ARFGEF1: variants seen among roughly 807,000 people sequenced by gnomAD.
ARFGEF1 encodes ARF guanine nucleotide exchange factor 1, also known as brefeldin A-inhibited guanine nucleotide-exchange protein 1.
In ARFGEF1, 42 loss-of-function variants were observed where a neutral mutation model predicts 231.0. The ratio of observed to expected loss-of-function variants is 0.18; its 90% CI spans 0.14 to 0.24. The LOEUF (loss-of-function observed/expected upper bound fraction) is 0.24, where lower values mean the gene tolerates loss of function less well. Among genes scored for constraint, ARFGEF1 ranks in the 10% least tolerant of loss-of-function variants. The pLI, the probability that ARFGEF1 is intolerant of heterozygous loss-of-function variation, is 1.00. For synonymous variants in ARFGEF1, 710 were observed against 732.3 expected, an observed-to-expected ratio of 0.97 and a Z score of 0.49; for missense variants, 1,345 against 2,192.0, an observed-to-expected ratio of 0.61 and a Z score of 7.72.
Position 67,299,214 on chromosome 8 carries a change from T to A in ARFGEF1, c.454A>T (p.Ile152Leu), listed in dbSNP as rs181099627. Residue 152 changes from isoleucine to leucine, a missense_variant, in exon 4 of 39, where the codon ATA (isoleucine) becomes TTA (leucine). Ile to Leu is a conservative substitution (Grantham distance 5). This residue lies in a region of ARFGEF1 where 398 missense variants were observed against 463.2 expected (regional missense o/e 0.86). Transcript: ENST00000262215. ...TTACTTTATATAATAATTACCTTTA[T>A]TATCTGCAGCTGAACTCCTTCATCT... ...QTDEGVQLQIIKALLTAVTSQ... is the reference protein window; with the variant it reads ...QTDEGVQLQILKALLTAVTSQ... 6 of 1,533,772 alleles carry A rather than the reference T, an allele frequency of 3.9e-6. No homozygotes were observed. In the Admixed American group the frequency reaches 1.4e-4, roughly 35 times the overall value.
intron 1 of ARFGEF1, among the ~76,000 whole-genome samples, chr8:67,309,168 C>T (rs190245345): frequency 1.3e-5 from 2 of 152,178 alleles, no homozygotes; most frequent in Non-Finnish European, 2.9e-5. Context: ...AAGTCAGGCA[C>T]AGAAAGACAC....
chr8:67,301,195 GT>G, intron 3 of ARFGEF1, 28 bp downstream of exon 3: 1 of 1,557,708 alleles, frequency 6.4e-7, no homozygotes, highest in East Asian at 2.3e-5. Context: ...AAAGTACACA[GT>G]TTTTAGAAAG....
Position 67,276,006 on chromosome 8 carries a change from TTCA to T in ARFGEF1, c.1304_1306del (p.Met435del). The T allele has an allele frequency of 6.2e-7, 1 of 1,613,468 alleles. No homozygotes were observed. Among genetic ancestry groups the T allele is most frequent in the Non-Finnish European group, 8.5e-7 (1 of 1,179,554 alleles). On this transcript the variant is annotated inframe_deletion, in exon 9 of 39. Transcript: ENST00000262215. ...ATCTGGTGGTCCATCTGACAGTGGTTTCATTGACAGTTTACACAATGACCTGAA... is the reference window on the plus strand; with the variant it reads ...ATCTGGTGGTCCATCTGACAGTGGTTTTGACAGTTTACACAATGACCTGAA...
At chr8:67,247,545 G>A (rs1840145265) in intron 19 of ARFGEF1, among the ~76,000 whole-genome samples, 1 of 149,952 alleles carries the variant, frequency 6.7e-6, no homozygotes, top group Admixed American at 6.7e-5. Flanking sequence ...CAAAGAAGTA[G>A]GTATAGAAGG....
intron 27 of ARFGEF1, 101 bp from the exon 28 acceptor site, chr8:67,226,284 T>C (rs571992331): frequency 1.8e-6 from 2 of 1,098,106 alleles, no homozygotes; most frequent in East Asian, 5.4e-5. Flanking sequence ...CTCTTAAAGG[T>C]TGTTACAGGT....
chr8:67,232,417 A>T (rs1164545880), intron 23 of ARFGEF1, among the ~76,000 whole-genome samples: 1 of 152,058 alleles, frequency 6.6e-6, no homozygotes, highest in African/African-American at 2.4e-5. Flanking sequence ...TAATATATAA[A>T]TTCTGAAGTC....
intron 2 of ARFGEF1, 73 bp downstream of exon 2, chr8:67,302,363 A>T (rs568239585): frequency 8.3e-7 from 1 of 1,199,548 alleles, no homozygotes; most frequent in South Asian, 1.7e-5. Flanking sequence ...TAAAATACAG[A>T]TGACTATATT....
rs372698513 is a variant in ARFGEF1, at chr8:67,223,323, C to T, written c.4208+1580G>A. 2.6e-5 allele frequency among the ~76,000 whole-genome samples: 4 copies of T among 152,264 alleles called. No homozygotes were observed. In the East Asian group the frequency reaches 5.8e-4, roughly 22 times the overall value. The stretch of plus-strand genomic sequence containing the variant: ...CTCCTGTGCTTAGGCAATCCCGCCT[C>T]AGCCTCATGAGCAGCAGGAACTAGA... On this transcript the variant is annotated intron_variant, in intron 29 of 38. Transcript: ENST00000262215.
chr8:67,343,093 A>AACC lies in ARFGEF1; in HGVS notation c.124+70_124+71insGGT. On this transcript the variant is annotated intron_variant, in intron 1 of 38. Coordinates refer to ENST00000262215, the MANE Select transcript of ARFGEF1 (RefSeq NM_006421.5). ...CCTCGGGCAAGCCCCGGGCGACCCC[A>AACC]CCCCCCCACAGGCGCCCCCCTCCCC... The AACC allele has an allele frequency of 2.2e-5, 4 of 184,672 alleles. No homozygotes were observed. In the South Asian group the frequency reaches 2.3e-4, roughly 11 times the overall value. 11.4% of individuals were successfully genotyped at this position (184,672 alleles called of 1,614,324 possible). A position where few individuals can be genotyped will look rare whatever the true frequency, so the allele number is the denominator to read the frequency against.
At chr8:67,301,098 T>G in intron 3 of ARFGEF1, 126 bp downstream of exon 3, 1 of 914,714 alleles carries the variant, frequency 1.1e-6, no homozygotes, top group Non-Finnish European at 1.6e-6. Context: ...AAAAATCACT[T>G]GGATTTTTTA....
rs140965416 is a variant in ARFGEF1, at chr8:67,328,760, A to G, written c.124+14404T>C. On this transcript the variant is annotated intron_variant, in intron 1 of 38. Coordinates refer to ENST00000262215, the MANE Select transcript of ARFGEF1 (RefSeq NM_006421.5). ...TTCAGCTTACCCTCTGATTATTTTTAAACTGTTTGAATTGAGTTAAAATGT... is the reference window on the plus strand; with the variant it reads ...TTCAGCTTACCCTCTGATTATTTTTGAACTGTTTGAATTGAGTTAAAATGT... 4.8e-3 allele frequency among the ~76,000 whole-genome samples: 735 copies of G among 152,324 alleles called. 4 individuals carry two copies. Among genetic ancestry groups the G allele is most frequent in the Non-Finnish European group, 7.7e-3 (523 of 68,026 alleles).
chr8:67,304,158 G>A (rs1453639995), intron 1 of ARFGEF1, among the ~76,000 whole-genome samples: 1 of 152,152 alleles, frequency 6.6e-6, no homozygotes, highest in Non-Finnish European at 1.5e-5. Flanking sequence ...CACTAACTGA[G>A]CATCTTTCAC....
At chr8:67,229,737 G>C (rs1426009592) in intron 23 of ARFGEF1, among the ~76,000 whole-genome samples, 1 of 151,942 alleles carries the variant, frequency 6.6e-6, no homozygotes, top group Non-Finnish European at 1.5e-5. Flanking sequence ...TCTCAAACTA[G>C]AGGTATTCTC....
At chr8:67,277,147 A>C (rs1260801126) in intron 8 of ARFGEF1, 135 bp downstream of exon 8, 3 of 892,210 alleles carry the variant, frequency 3.4e-6, no homozygotes, top group Non-Finnish European at 5.0e-6. Flanking sequence ...AAAAAACCCC[A>C]AGTTTCTTAT....
At chr8:67,217,317 A>C (rs930346839) in intron 32 of ARFGEF1, among the ~76,000 whole-genome samples, 1 of 151,946 alleles carries the variant, frequency 6.6e-6, no homozygotes. Flanking sequence ...AAAAAAAAAA[A>C]AAAACCTACC....
At chr8:67,208,910 C>T (rs1838620200) in intron 34 of ARFGEF1, among the ~76,000 whole-genome samples, 2 of 152,136 alleles carry the variant, frequency 1.3e-5, no homozygotes, top group Admixed American at 6.5e-5. Context: ...AAACTTCTCA[C>T]CCACTAGAAT....
chr8:67,316,675 G>C (rs1480936126), intron 1 of ARFGEF1, among the ~76,000 whole-genome samples: 1 of 152,028 alleles, frequency 6.6e-6, no homozygotes, highest in Non-Finnish European at 1.5e-5. Flanking sequence ...GCTCAGGCTG[G>C]TCTTGAACTC....
intron 5 of ARFGEF1, among the ~76,000 whole-genome samples, chr8:67,182,965 G>A (rs752641874): frequency 6.6e-6 from 1 of 152,170 alleles, no homozygotes; most frequent in Non-Finnish European, 1.5e-5. Context: ...TTGATACATA[G>A]GAGCTTTTAA....
At chr8:67,331,737 A>C (rs1171491213) in intron 1 of ARFGEF1, among the ~76,000 whole-genome samples, 1 of 152,180 alleles carries the variant, frequency 6.6e-6, no homozygotes, top group African/African-American at 2.4e-5. Flanking sequence ...TAGAACAGAA[A>C]AAAAAAATGC....
Sources: gnomAD v4.1 joint callset for allele counts (sites outside exome capture counted in the v4.1 genomes callset) on GRCh38, gnomAD v4.1.1 for gene constraint, gnomAD v4.1.1 regional missense constraint, MANE v1.5 for transcripts, NCBI Gene and HGNC (gene_info 2026-07-23, HGNC 2026-07-21) for gene names.